SMG1: variants seen among roughly 807,000 people sequenced by gnomAD.
SMG1 encodes SMG1 nonsense mediated mRNA decay associated PI3K related kinase.
Under a neutral mutation model 419.9 loss-of-function variants are expected in SMG1, and 22 were observed. That is an observed-to-expected ratio of 0.05 (90% CI 0.04 to 0.07). SMG1 has a LOEUF of 0.07. Among genes scored for constraint, SMG1 ranks in the 10% least tolerant of loss-of-function variants. The probability of loss-of-function intolerance (pLI) is 1.00; values close to 1 mark genes in which losing one functional copy is unlikely to be tolerated. For missense variants in SMG1, 3,185 were observed against 4,342.0 expected (o/e 0.73, Z 7.49); for synonymous variants, 1,538 against 1,553.5 (o/e 0.99, Z 0.23).
intron 54 of SMG1, 137 bp from the exon 55 acceptor site, chr16:18,828,305 A>G: frequency 2.7e-6 from 2 of 749,584 alleles, no homozygotes; most frequent in Non-Finnish European, 4.2e-6. Flanking sequence ...AGCAGGGAGA[A>G]GTAACAGAAA....
At chr16:18,873,281 C>G (rs1200282304) in intron 13 of SMG1, among the ~76,000 whole-genome samples, 1 of 152,076 alleles carries the variant, frequency 6.6e-6, no homozygotes, top group South Asian at 2.1e-4. Flanking sequence ...TGCAATGGTG[C>G]GATCTTGGCT....
intron 41 of SMG1, among the ~76,000 whole-genome samples, chr16:18,840,294 C>G (rs2033840082): frequency 6.6e-6 from 1 of 152,172 alleles, no homozygotes; most frequent in Non-Finnish European, 1.5e-5. Flanking sequence ...ATACTTCATT[C>G]TTCACACACA....
intron 1 of SMG1, among the ~76,000 whole-genome samples, chr16:18,908,213 A>C (rs2037647394): frequency 6.6e-6 from 1 of 151,708 alleles, no homozygotes; most frequent in South Asian, 2.1e-4. Flanking sequence ...TAAAAATACA[A>C]AAAAATTAGG....
At chr16:18,917,313 C>T (rs1007318627) in intron 1 of SMG1, among the ~76,000 whole-genome samples, 1 of 151,630 alleles carries the variant, frequency 6.6e-6, no homozygotes, top group Non-Finnish European at 1.5e-5. Context: ...CCACCATGCC[C>T]GGCTAATTAT....
At chr16:18,918,600 G>A (rs1433359597) in intron 1 of SMG1, among the ~76,000 whole-genome samples, 1 of 152,170 alleles carries the variant, frequency 6.6e-6, no homozygotes, top group Admixed American at 6.5e-5. Flanking sequence ...CCAGACTGGA[G>A]TGCAATGGCA....
intron 1 of SMG1, among the ~76,000 whole-genome samples, chr16:18,915,693 G>A (rs1228900954): frequency 6.6e-6 from 1 of 152,152 alleles, no homozygotes; most frequent in Non-Finnish European, 1.5e-5. Flanking sequence ...GGGTGTCATA[G>A]TGAAAAAGTC....
chr16:18,840,326 TAAC>T (rs1167193197), intron 41 of SMG1, among the ~76,000 whole-genome samples: 1 of 152,218 alleles, frequency 6.6e-6, no homozygotes, highest in Non-Finnish European at 1.5e-5. Context: ...AATATAAAAT[TAAC>T]AACAGAAATT....
At chr16:18,919,240 T>G (rs1442771801) in intron 1 of SMG1, among the ~76,000 whole-genome samples, 2 of 151,556 alleles carry the variant, frequency 1.3e-5, no homozygotes, top group East Asian at 3.9e-4. Flanking sequence ...GGTAGGAGAA[T>G]CGCTTGAACC....
At chr16:18,830,401 G>C (rs199786120) in intron 51 of SMG1, 32 bp from the exon 52 acceptor site, 25 of 1,610,772 alleles carry the variant, frequency 1.6e-5, no homozygotes, top group East Asian at 2.2e-5. Context: ...TAAAACCTTC[G>C]CTGAAAAGTA....
In SMG1 at chr16:18,819,489, T is replaced by C. The variant is rs1451874568; in HGVS notation, c.9894+13A>G. 7.5e-6 allele frequency: 12 copies of C among 1,608,072 alleles called. No homozygotes were observed. Among genetic ancestry groups the C allele is most frequent in the South Asian group, 1.1e-5 (1 of 89,946 alleles). ...AAAGTGAATACAAAGATGGTGCATGTAAGTCACAATACCTGACTTGCTCTT... is the reference window on the plus strand; with the variant it reads ...AAAGTGAATACAAAGATGGTGCATGCAAGTCACAATACCTGACTTGCTCTT... On this transcript the variant is annotated intron_variant, in intron 56 of 62. Transcript: ENST00000446231.
chr16:18,926,227 G>C lies in SMG1; in HGVS notation c.-186C>G, dbSNP rs2038405674. The C allele has an allele frequency of 3.0e-5, 17 of 572,780 alleles. No individual in the cohort carries two copies. The highest frequency in any genetic ancestry group is 4.5e-5 in the Non-Finnish European group (15 of 333,910). The allele number at this position is 572,780 out of a possible 1,614,324, so 35.5% of individuals were successfully genotyped here. ...GCGGGGGAAGAGGACGGCCGTTCCG[G>C]GTTCCGCCTGAGCCCGCAGCGCAGG... On this transcript the variant is annotated 5_prime_UTR_variant, in exon 1 of 63. Coordinates refer to ENST00000446231, the MANE Select transcript of SMG1 (RefSeq NM_015092.5).
At chr16:18,923,218 G>A (rs62044171) in intron 1 of SMG1, among the ~76,000 whole-genome samples, 10,629 of 152,190 alleles carry the variant, frequency 0.07, 375 homozygotes, top group African/African-American at 0.094. Flanking sequence ...AGACATTCAC[G>A]TATACAGCCA....
intron 58 of SMG1, 79 bp from the exon 59 acceptor site, chr16:18,815,730 A>C: frequency 8.2e-7 from 1 of 1,215,676 alleles, no homozygotes; most frequent in Non-Finnish European, 1.2e-6. Flanking sequence ...CTAGTGATTA[A>C]GTAACAAATG....
Position 18,926,297 on chromosome 16 carries a change from G to T in SMG1, c.-256C>A. The T allele has an allele frequency of 2.0e-6, 1 of 504,118 alleles. No individual in the cohort carries two copies. Among genetic ancestry groups the T allele is most frequent in the Non-Finnish European group, 3.5e-6 (1 of 288,226 alleles). The allele number at this position is 504,118 out of a possible 1,614,324, so 31.2% of individuals were successfully genotyped here. A position where few individuals can be genotyped will look rare whatever the true frequency, so the allele number is the denominator to read the frequency against. On this transcript the variant is annotated 5_prime_UTR_variant, in exon 1 of 63. Coordinates refer to ENST00000446231, the MANE Select transcript of SMG1 (RefSeq NM_015092.5). ...GCGGTGAGAGAGAGGCGGATGAAGG[G>T]GAGGCGACGTCTTTTCCAGGGCCGT...
chr16:18,812,297 C>A, intron 60 of SMG1, 170 bp from the exon 61 acceptor site: 1 of 600,500 alleles, frequency 1.7e-6, no homozygotes, highest in Non-Finnish European at 2.8e-6. Context: ...AGCCTAAAAA[C>A]AGCCAGACAT....
intron 1 of SMG1, among the ~76,000 whole-genome samples, chr16:18,913,689 T>C (rs969662675): frequency 2.6e-5 from 4 of 151,960 alleles, no homozygotes; most frequent in African/African-American, 7.2e-5. Flanking sequence ...CCCAAAGACA[T>C]ATACATGTAT....
In SMG1 at chr16:18,849,487, C is replaced by T. The variant is rs960634026; in HGVS notation, c.5462-109G>A. ...AACGTGATGTGTGTCGGCATTAGTA[C>T]GGATTTTAAGAGTTCAAATTTCTCC... On this transcript the variant is annotated intron_variant, in intron 35 of 62. Coordinates refer to ENST00000446231, the MANE Select transcript of SMG1 (RefSeq NM_015092.5). 48 of 1,077,944 alleles carry T rather than the reference C, an allele frequency of 4.5e-5. No individual in the cohort carries two copies. In the South Asian group the frequency reaches 5.1e-4, roughly 11 times the overall value. The allele number at this position is 1,077,944 out of a possible 1,614,324, so 66.8% of individuals were successfully genotyped here. A position where few individuals can be genotyped will look rare whatever the true frequency, so the allele number is the denominator to read the frequency against.
At chr16:18,838,336 G>C (rs1185301661) in intron 44 of SMG1, 21 bp downstream of exon 44, 5 of 1,604,610 alleles carry the variant, frequency 3.1e-6, no homozygotes, top group Non-Finnish European at 4.3e-6. Flanking sequence ...ACACTAAAAG[G>C]GAGAAGAGAA....
chr16:18,805,562 C>G lies in SMG1; in HGVS notation c.*4007G>C, dbSNP rs2030744730. On this transcript the variant is annotated 3_prime_UTR_variant, in exon 63 of 63. Transcript: ENST00000446231. ...GATACTGTTATCCAGGCCTAAAAAGCAGGAAGTGCAACAAACCCTTAGGGT... is the reference window on the plus strand; with the variant it reads ...GATACTGTTATCCAGGCCTAAAAAGGAGGAAGTGCAACAAACCCTTAGGGT... 1 of 152,084 alleles carries G rather than the reference C, an allele frequency of 6.6e-6. No individual in the cohort carries two copies. The highest frequency in any genetic ancestry group is 2.4e-5 in the African/African-American group (1 of 41,384). The allele number at this position is 152,084 out of a possible 1,614,324, so 9.4% of individuals were successfully genotyped here.
Sources: gnomAD v4.1 joint callset for allele counts (sites outside exome capture counted in the v4.1 genomes callset) on GRCh38, gnomAD v4.1.1 for gene constraint, MANE v1.5 for transcripts, NCBI Gene and HGNC (gene_info 2026-07-23, HGNC 2026-07-21) for gene names.